PDE3A: variants seen among roughly 807,000 people sequenced by gnomAD.
PDE3A encodes cGMP-inhibited 3',5'-cyclic phosphodiesterase 3A.
In PDE3A, 43 loss-of-function variants were observed where a neutral mutation model predicts 98.3. The observed-to-expected ratio is 0.44, with a 90% CI of 0.34 to 0.56. PDE3A has a LOEUF of 0.56. PDE3A is among the 20% of genes least tolerant of loss of function. The pLI, the probability that PDE3A is intolerant of heterozygous loss-of-function variation, is 0.01. For synonymous variants in PDE3A, 663 were observed against 567.9 expected, an observed-to-expected ratio of 1.17 and a Z score of -2.38; for missense variants, 1,427 against 1,440.7, an observed-to-expected ratio of 0.99 and a Z score of 0.15.
chr12:20,673,907 G>A (rs945899146), intron 15 of PDE3A, among the ~76,000 whole-genome samples: 2 of 151,896 alleles, frequency 1.3e-5, no homozygotes, highest in Admixed American at 6.6e-5. Flanking sequence ...TCCATACATT[G>A]CTTGGGTAGA....
intron 2 of PDE3A, among the ~76,000 whole-genome samples, chr12:20,605,700 T>A (rs1943694205): frequency 1.3e-5 from 2 of 152,302 alleles, no homozygotes; most frequent in South Asian, 4.1e-4. Flanking sequence ...ACTTAAGATA[T>A]TTTTAAGTGG....
intron 1 of PDE3A, among the ~76,000 whole-genome samples, chr12:20,412,531 G>T (rs140667319): frequency 6.6e-6 from 1 of 152,010 alleles, no homozygotes; most frequent in Non-Finnish European, 1.5e-5. Context: ...AGATACATAT[G>T]TAAGAAAGTG....
chr12:20,424,561 G>T (rs1483050123), intron 1 of PDE3A, among the ~76,000 whole-genome samples: 2 of 152,152 alleles, frequency 1.3e-5, no homozygotes, highest in African/African-American at 4.8e-5. Context: ...AAAAAATGAT[G>T]TGGTCCTATT....
intron 2 of PDE3A, among the ~76,000 whole-genome samples, chr12:20,596,100 G>A (rs1308075713): frequency 6.6e-6 from 1 of 152,072 alleles, no homozygotes; most frequent in Non-Finnish European, 1.5e-5. Flanking sequence ...CTGAATTTCT[G>A]TAGAAATTGA....
chr12:20,654,945 CA>C (rs1945010059), intron 15 of PDE3A, among the ~76,000 whole-genome samples: 1 of 152,058 alleles, frequency 6.6e-6, no homozygotes, highest in African/African-American at 2.4e-5. Flanking sequence ...GTTCATTCAA[CA>C]GACATTTATT....
intron 13 of PDE3A, among the ~76,000 whole-genome samples, chr12:20,650,185 T>A (rs1944883383): frequency 6.6e-6 from 1 of 152,162 alleles, no homozygotes; most frequent in African/African-American, 2.4e-5. Context: ...AAATGTATAA[T>A]TCAATTATTT....
chr12:20,542,411 A>G (rs1244904433), intron 1 of PDE3A, among the ~76,000 whole-genome samples: 1 of 151,116 alleles, frequency 6.6e-6, no homozygotes, highest in Non-Finnish European at 1.5e-5. Context: ...TTTGAGTTAG[A>G]TAGTTTTTGG....
intron 1 of PDE3A, among the ~76,000 whole-genome samples, chr12:20,482,062 C>T (rs558329314): frequency 1.3e-5 from 2 of 152,010 alleles, no homozygotes; most frequent in South Asian, 2.1e-4. Context: ...CCACGCTCAG[C>T]GAGAAATAGA....
intron 5 of PDE3A, 23 bp downstream of exon 5, chr12:20,621,434 G>C (rs927913186): frequency 4.1e-6 from 5 of 1,215,484 alleles, no homozygotes; most frequent in Admixed American, 3.4e-5. Flanking sequence ...ACTGGAGAAG[G>C]GTTCATACTG....
intron 1 of PDE3A, among the ~76,000 whole-genome samples, chr12:20,392,921 A>T (rs1030316485): frequency 1.5e-4 from 23 of 152,022 alleles, no homozygotes; most frequent in African/African-American, 5.6e-4. Flanking sequence ...GAGCCTAAAA[A>T]GTGGATCTTG....
rs551682945 is a variant in PDE3A, at chr12:20,525,027, G to A, written c.961-31633G>A. Among the ~76,000 whole-genome samples the A allele has an allele frequency of 2.0e-5, 3 of 152,246 alleles. No individual in the cohort carries two copies. In the South Asian group the frequency reaches 6.2e-4, roughly 32 times the overall value. On this transcript the variant is annotated intron_variant, in intron 1 of 15. Transcript: ENST00000359062. ...CATGCCTGTAATCTCAGCTACTTGGGAGGCTGAGGCAGGAGAATCGCTTGA... is the reference window on the plus strand; with the variant it reads ...CATGCCTGTAATCTCAGCTACTTGGAAGGCTGAGGCAGGAGAATCGCTTGA...
chr12:20,457,318 T>C (rs1417030021), intron 1 of PDE3A, among the ~76,000 whole-genome samples: 1 of 151,646 alleles, frequency 6.6e-6, no homozygotes, highest in African/African-American at 2.4e-5. Context: ...ATATTAACAT[T>C]GCTATACTGA....
chr12:20,569,221 A>T (rs2121305590), intron 2 of PDE3A, among the ~76,000 whole-genome samples: 1 of 152,214 alleles, frequency 6.6e-6, no homozygotes, highest in East Asian at 1.9e-4. Flanking sequence ...AATCATCCCT[A>T]TGATGGTCAC....
chr12:20,388,927 C>T (rs529925963), intron 1 of PDE3A, among the ~76,000 whole-genome samples: 2 of 151,890 alleles, frequency 1.3e-5, no homozygotes, highest in East Asian at 3.9e-4. Flanking sequence ...TATTAAAATG[C>T]TTTTTCATTT....
chr12:20,475,178 AGTGTGTGTGTGTGTGT>A (rs71442249), intron 1 of PDE3A, among the ~76,000 whole-genome samples: 2 of 92,456 alleles, frequency 2.2e-5, no homozygotes, highest in African/African-American at 4.1e-5. Context: ...AATGTGTGTG[AGTGTGTGTGTGTGTGT>A]GTGTGTGTGT....
intron 9 of PDE3A, among the ~76,000 whole-genome samples, chr12:20,638,311 C>G (rs1944566409): frequency 6.6e-6 from 1 of 152,120 alleles, no homozygotes; most frequent in Non-Finnish European, 1.5e-5. Flanking sequence ...GCACATATGG[C>G]TGTCTAGTCT....
intron 1 of PDE3A, among the ~76,000 whole-genome samples, chr12:20,533,019 A>G (rs981624360): frequency 1.3e-5 from 2 of 152,214 alleles, no homozygotes; most frequent in African/African-American, 4.8e-5. Flanking sequence ...CAACAAGAAT[A>G]TATTAAGCGT....
intron 1 of PDE3A, among the ~76,000 whole-genome samples, chr12:20,481,187 T>C (rs73073140): frequency 0.31 from 47,811 of 152,016 alleles, 7,646 homozygotes; most frequent in Admixed American, 0.35. Flanking sequence ...GAGGTGTAGA[T>C]GAAATAATTA....
chr12:20,573,310 G>A (rs1782619090), intron 2 of PDE3A, among the ~76,000 whole-genome samples: 1 of 151,774 alleles, frequency 6.6e-6, no homozygotes. Flanking sequence ...CTCAGTTAAG[G>A]TTTTGGGGCA....
Sources: gnomAD v4.1 joint callset for allele counts (sites outside exome capture counted in the v4.1 genomes callset) on GRCh38, gnomAD v4.1.1 for gene constraint, MANE v1.5 for transcripts, NCBI Gene and HGNC (gene_info 2026-07-23, HGNC 2026-07-21) for gene names.